Variants in SQOR observed in about 807,000 individuals in gnomAD.
The protein encoded by SQOR is sulfide quinone oxidoreductase.
SQOR carries 39 observed loss-of-function variants against 48.6 expected under a neutral mutation model. The observed-to-expected ratio is 0.80, with a 90% confidence interval of 0.62 to 1.05. The LOEUF (loss-of-function observed/expected upper bound fraction) is 1.05. Ranked by LOEUF, SQOR falls within the 50% of genes least tolerant of loss-of-function variation. The pLI, the probability that SQOR is intolerant of heterozygous loss-of-function variation, is 0.00. For missense variants in SQOR, 561 were observed against 559.9 expected (o/e 1.00, Z -0.02); for synonymous variants, 220 against 206.2 (o/e 1.07, Z -0.57).
chr15:45,685,500 G>A (rs1890207212), intron 7 of SQOR, among the ~76,000 whole-genome samples: 1 of 152,170 alleles, frequency 6.6e-6, no homozygotes, highest in African/African-American at 2.4e-5. Context: ...TCAGGATGTG[G>A]CATTTAACAA....
chr15:45,657,728 G>C (rs548639003), intron 1 of SQOR, among the ~76,000 whole-genome samples: 4 of 152,222 alleles, frequency 2.6e-5, no homozygotes, highest in African/African-American at 9.6e-5. Context: ...CCTTGTGCAG[G>C]CTTCCTCTTC....
At chr15:45,659,195 CGTGTGTGTGTGTGTGAGT>C in intron 2 of SQOR, 38 bp downstream of exon 2, 5 of 1,349,686 alleles carry the variant, frequency 3.7e-6, no homozygotes, top group Admixed American at 2.7e-5. Flanking sequence ...TGTGTGTGTA[CGTGTGTGTGTGTGTGAGT>C]GTGTGTGTGT....
chr15:45,665,703 C>A (rs1889804051), intron 3 of SQOR, among the ~76,000 whole-genome samples: 1 of 152,006 alleles, frequency 6.6e-6, no homozygotes, highest in South Asian at 2.1e-4. Flanking sequence ...CCTGCCTCAG[C>A]CTCCCGAGTA....
intron 1 of SQOR, among the ~76,000 whole-genome samples, chr15:45,654,633 C>G (rs888993160): frequency 6.6e-6 from 1 of 152,040 alleles, no homozygotes; most frequent in Non-Finnish European, 1.5e-5. Flanking sequence ...GGCGTGTATA[C>G]CCATGGTTTA....
chr15:45,643,521 A>C (rs1895142874), intron 1 of SQOR, among the ~76,000 whole-genome samples: 1 of 152,218 alleles, frequency 6.6e-6, no homozygotes. Context: ...CAGCAGCAGA[A>C]TTGTGACCAT....
intron 5 of SQOR, 125 bp from the exon 6 acceptor site, chr15:45,675,976 C>T: frequency 1.1e-6 from 1 of 887,916 alleles, no homozygotes; most frequent in Non-Finnish European, 1.7e-6. Flanking sequence ...ATTGCTCTGC[C>T]AGGACATAAT....
intron 6 of SQOR, among the ~76,000 whole-genome samples, chr15:45,677,250 T>G (rs1454612309): frequency 6.6e-6 from 1 of 152,146 alleles, no homozygotes; most frequent in African/African-American, 2.4e-5. Flanking sequence ...TGTCTATCTA[T>G]CTATCCATCC....
At chr15:45,636,462 G>T (rs1895008604) in intron 1 of SQOR, among the ~76,000 whole-genome samples, 1 of 148,366 alleles carries the variant, frequency 6.7e-6, no homozygotes, top group African/African-American at 2.5e-5. Flanking sequence ...GGAGTGCAGT[G>T]GCGCGATCTC....
chr15:45,646,695 T>TAA (rs781507007), intron 1 of SQOR, among the ~76,000 whole-genome samples: 1 of 152,230 alleles, frequency 6.6e-6, no homozygotes, highest in Non-Finnish European at 1.5e-5. Flanking sequence ...TTTTATTGTG[T>TAA]AAACTTTCAT....
chr15:45,679,694 A>T (rs1274452045), intron 6 of SQOR, among the ~76,000 whole-genome samples: 2 of 152,226 alleles, frequency 1.3e-5, no homozygotes, highest in African/African-American at 2.4e-5. Context: ...GGATAAGCAA[A>T]CTAAAGACCA....
At chr15:45,634,567 T>C (rs1478946366), upstream of SQOR, among the ~76,000 whole-genome samples, 2 of 152,080 alleles carry the variant, frequency 1.3e-5, no homozygotes, top group African/African-American at 4.8e-5. Context: ...GGTCACCTTC[T>C]CTGTGAAATG....
chr15:45,642,078 C>T (rs1233616761), intron 1 of SQOR, among the ~76,000 whole-genome samples: 1 of 152,152 alleles, frequency 6.6e-6, no homozygotes, highest in African/African-American at 2.4e-5. Context: ...TAGCACAATC[C>T]CTGGCATTTA....
chr15:45,651,101 C>A (rs1281010010), intron 1 of SQOR, among the ~76,000 whole-genome samples: 2 of 152,194 alleles, frequency 1.3e-5, no homozygotes, highest in Admixed American at 6.5e-5. Flanking sequence ...TGTGGGAGCC[C>A]ACCGCTGGGG....
intron 7 of SQOR, among the ~76,000 whole-genome samples, chr15:45,684,158 C>G (rs1233936922): frequency 6.6e-6 from 1 of 152,114 alleles, no homozygotes; most frequent in Non-Finnish European, 1.5e-5. Context: ...GGTGATCTGC[C>G]CACCTTGGCC....
chr15:45,649,463 A>G (rs183017095), intron 1 of SQOR, among the ~76,000 whole-genome samples: 3 of 152,284 alleles, frequency 2.0e-5, no homozygotes, highest in Admixed American at 2.0e-4. Context: ...AATTTACCTT[A>G]TTTATTGATG....
Position 45,682,672 on chromosome 15 carries a change from C to A in SQOR, c.1048+11C>A, listed in dbSNP as rs1434308434. On this transcript the variant is annotated intron_variant, in intron 7 of 9. Coordinates refer to ENST00000260324, the MANE Select transcript of SQOR (RefSeq NM_021199.4). The stretch of plus-strand genomic sequence containing the variant: ...CCGCTGCTGCAGTAGGTAAGTCAAC[C>A]AGCTCCATTTCTCCCTTTCTCAAAA... The A allele has an allele frequency of 6.2e-7, 1 of 1,612,132 alleles. No individual in the cohort carries two copies. The highest frequency in any genetic ancestry group is 1.7e-5 in the Admixed American group (1 of 59,936).
At chr15:45,645,046 A>G (rs971741683) in intron 1 of SQOR, among the ~76,000 whole-genome samples, 9 of 152,216 alleles carry the variant, frequency 5.9e-5, no homozygotes, top group Non-Finnish European at 1.0e-4. Context: ...AATACAGACA[A>G]TGAAAAACAG....
chr15:45,635,626 G>C (rs1466879072), intron 1 of SQOR, among the ~76,000 whole-genome samples: 1 of 152,182 alleles, frequency 6.6e-6, no homozygotes, highest in African/African-American at 2.4e-5. Context: ...GGTGGAAAGG[G>C]AGAAGGGGTC....
chr15:45,640,739 G>A (rs183152239), intron 1 of SQOR, among the ~76,000 whole-genome samples: 1 of 152,302 alleles, frequency 6.6e-6, no homozygotes, highest in East Asian at 1.9e-4. Context: ...AGGCTGATGA[G>A]TAATTTTAAT....
Sources: allele counts gnomAD v4.1 joint callset (sites outside exome capture counted in the v4.1 genomes callset), GRCh38; gene constraint gnomAD v4.1.1; transcripts MANE v1.5; gene names NCBI Gene and HGNC (gene_info 2026-07-23, HGNC 2026-07-21).